The following CLCA2 variants were observed in gnomAD, a reference collection of about 807,000 sequenced individuals.
CLCA2 encodes calcium-activated chloride channel regulator 2.
CLCA2 carries 85 observed loss-of-function variants against 82.9 expected under a neutral mutation model. That is an observed-to-expected ratio of 1.03 (90% confidence interval 0.86 to 1.23). The LOEUF (loss-of-function observed/expected upper bound fraction) is 1.23, where lower values mean the gene tolerates loss of function less well. Among genes scored for constraint, CLCA2 ranks in the 50% most tolerant of loss-of-function variants. CLCA2 has a pLI of 0.00. For missense variants in CLCA2, 1,089 were observed against 1,124.8 expected, an observed-to-expected ratio of 0.97 and a Z score of 0.45; for synonymous variants, 421 against 391.7, an observed-to-expected ratio of 1.07 and a Z score of -0.88.
intron 12 of CLCA2, among the ~76,000 whole-genome samples, chr1:86,452,394 C>G (rs775147941): frequency 5.9e-5 from 9 of 152,014 alleles, no homozygotes; most frequent in Non-Finnish European, 1.2e-4. Flanking sequence ...GCTTGCTGTG[C>G]TTTAATTCAT....
intron 2 of CLCA2, among the ~76,000 whole-genome samples, chr1:86,426,680 T>C (rs1229949169): frequency 6.6e-6 from 1 of 152,174 alleles, no homozygotes; most frequent in Non-Finnish European, 1.5e-5. Context: ...CACTGGGGCT[T>C]GAATAAGGTA....
intron 9 of CLCA2, among the ~76,000 whole-genome samples, chr1:86,442,211 A>T (rs1430359546): frequency 6.6e-6 from 1 of 152,214 alleles, no homozygotes; most frequent in African/African-American, 2.4e-5. Flanking sequence ...CAATTTATTT[A>T]ACGTGAAGAT....
At chr1:86,450,275 T>C (rs1662934668) in intron 11 of CLCA2, among the ~76,000 whole-genome samples, 1 of 152,168 alleles carries the variant, frequency 6.6e-6, no homozygotes, top group South Asian at 2.1e-4. Context: ...AAACTAGTAT[T>C]ATTTTCAATG....
At position 86,450,725 on chromosome 1, in the gene CLCA2, C is replaced by G. The variant is rs1415182105; in HGVS notation, c.2147C>G (p.Thr716Arg). Residue 716 changes from threonine to arginine, a missense_variant, in exon 12 of 14, where the codon ACA becomes AGA. Transcript: ENST00000370565. ...GSHAMYVPGYTANGNIQMNAP... is the reference protein window; with the variant it reads ...GSHAMYVPGYRANGNIQMNAP... ...CATGCTATGTATGTACCAGGTTACACAGCAAACGGTAAGAACCATTAGCAC... is the reference window on the plus strand; with the variant it reads ...CATGCTATGTATGTACCAGGTTACAGAGCAAACGGTAAGAACCATTAGCAC... The G allele has an allele frequency of 1.2e-6, 2 of 1,601,204 alleles. No individual in the cohort carries two copies. Among genetic ancestry groups the G allele is most frequent in the East Asian group, 2.2e-5 (1 of 44,642 alleles).
At chr1:86,440,399 C>G in intron 8 of CLCA2, 74 bp downstream of exon 8, 1 of 1,250,698 alleles carries the variant, frequency 8.0e-7, no homozygotes, top group Non-Finnish European at 1.1e-6. Flanking sequence ...AACTATGAAA[C>G]TCATTATATG....
In CLCA2 at chr1:86,447,637, A is replaced by G. The variant is rs1312639360; in HGVS notation, c.1843A>G (p.Ser615Gly). ...TGTGGAAGCCTTTGTGGAAAGAGAC[A>G]GCCTCCATTTTCCTCATCCTGTGAT... Reference protein sequence around the residue: ...ATVEAFVERDSLHFPHPVMIY... With the variant: ...ATVEAFVERDGLHFPHPVMIY... The change falls in exon 11 of 14, where the codon AGC becomes GGC. Residue 615 changes from serine to glycine, a missense_variant. Transcript: ENST00000370565. 3 of 1,614,162 alleles carry G rather than the reference A, an allele frequency of 1.9e-6. No homozygotes were observed. The highest frequency in any genetic ancestry group is 8.5e-7 in the Non-Finnish European group (1 of 1,180,034).
intron 4 of CLCA2, 69 bp from the exon 5 acceptor site, chr1:86,432,300 A>C (rs1662516542): frequency 6.5e-7 from 1 of 1,544,080 alleles, no homozygotes; most frequent in African/African-American, 1.4e-5. Flanking sequence ...TAATTATATA[A>C]GCTAGTCAAC....
At chr1:86,424,456 A>G (rs1266992322) in intron 1 of CLCA2, 23 bp downstream of exon 1, 7 of 1,588,404 alleles carry the variant, frequency 4.4e-6, no homozygotes, top group Non-Finnish European at 6.0e-6. Context: ...TATGAAATTG[A>G]TACTAGCATC....
chr1:86,441,935 T>TA (rs1662744637), intron 9 of CLCA2, among the ~76,000 whole-genome samples: 1 of 152,254 alleles, frequency 6.6e-6, no homozygotes, highest in Non-Finnish European at 1.5e-5. Flanking sequence ...CTCTTCCTTG[T>TA]ATAAGGGGTA....
At chr1:86,441,376 C>G in intron 8 of CLCA2, 61 bp from the exon 9 acceptor site, 1 of 1,005,732 alleles carries the variant, frequency 9.9e-7, no homozygotes, top group Non-Finnish European at 1.5e-6. Context: ...AAAGGCTTAA[C>G]ATTTTATTTT....
intron 13 of CLCA2, 59 bp from the exon 14 acceptor site, chr1:86,455,026 T>C (rs1663046363): frequency 5.7e-6 from 6 of 1,057,682 alleles, no homozygotes; most frequent in Non-Finnish European, 7.9e-6. Flanking sequence ...TAATTTCTAA[T>C]AAACTAGAAA....
intron 6 of CLCA2, 114 bp from the exon 7 acceptor site, chr1:86,438,762 A>T: frequency 2.4e-6 from 2 of 834,496 alleles, no homozygotes; most frequent in Non-Finnish European, 3.8e-6. Context: ...TCAAAAAATT[A>T]TGATCCAACA....
intron 9 of CLCA2, 62 bp downstream of exon 9, chr1:86,441,605 G>A: frequency 1.9e-6 from 2 of 1,075,992 alleles, no homozygotes; most frequent in Non-Finnish European, 2.8e-6. Context: ...GGAAACAAGG[G>A]AAATCAACGA....
chr1:86,437,766 G>A (rs1426493267), intron 6 of CLCA2, among the ~76,000 whole-genome samples: 1 of 152,060 alleles, frequency 6.6e-6, no homozygotes, highest in East Asian at 1.9e-4. Flanking sequence ...AGAGTCCTGG[G>A]TTGCTGGCTT....
chr1:86,438,777 TA>T, intron 6 of CLCA2, 98 bp from the exon 7 acceptor site: 1 of 956,720 alleles, frequency 1.0e-6, no homozygotes, highest in Non-Finnish European at 1.6e-6. Context: ...CCAACATCTC[TA>T]AAGAATTAGC....
In CLCA2 at chr1:86,424,176, C is replaced by T. The variant is rs1662339382; in HGVS notation, c.-72C>T. 2.8e-6 allele frequency: 4 copies of T among 1,424,232 alleles called. No homozygotes were observed. Among genetic ancestry groups the T allele is most frequent in the East Asian group, 2.3e-5 (1 of 43,068 alleles). The allele number at this position is 1,424,232 out of a possible 1,614,324, so 88.2% of individuals were successfully genotyped here. On this transcript the variant is annotated 5_prime_UTR_variant, in exon 1 of 14. Coordinates refer to ENST00000370565, the MANE Select transcript of CLCA2 (RefSeq NM_006536.7). ...TGCAAGTTCAGGAAGAAACCATCTG[C>T]ATCCATATTGAAAACCTGACACAAT...
At chr1:86,436,199 T>C (rs1662606393) in intron 6 of CLCA2, among the ~76,000 whole-genome samples, 1 of 152,222 alleles carries the variant, frequency 6.6e-6, no homozygotes, top group African/African-American at 2.4e-5. Flanking sequence ...TTCTGGTCTA[T>C]TGCATCTGTA....
At chr1:86,437,063 C>T (rs567635414) in intron 6 of CLCA2, among the ~76,000 whole-genome samples, 1 of 152,188 alleles carries the variant, frequency 6.6e-6, no homozygotes, top group South Asian at 2.1e-4. Context: ...TGGCTATCTG[C>T]CTGTATTGAG....
chr1:86,437,494 C>T (rs952398921), intron 6 of CLCA2, among the ~76,000 whole-genome samples: 1 of 152,136 alleles, frequency 6.6e-6, no homozygotes, highest in Non-Finnish European at 1.5e-5. Flanking sequence ...CAACTAGGCG[C>T]TTGCTAGGTT....
Sources: gnomAD v4.1 joint callset for allele counts (sites outside exome capture counted in the v4.1 genomes callset) on GRCh38, gnomAD v4.1.1 for gene constraint, MANE v1.5 for transcripts, NCBI Gene and HGNC (gene_info 2026-07-23, HGNC 2026-07-21) for gene names.